Variants in CDH12 observed in about 807,000 individuals in gnomAD.
CDH12 encodes the protein cadherin 12.
CDH12 carries 41 observed loss-of-function variants against 74.1 expected under a neutral mutation model. That is an observed-to-expected ratio of 0.55 (90% CI 0.43 to 0.72). The LOEUF is 0.72. CDH12 is among the 30% of genes least tolerant of loss of function. CDH12 has a pLI of 0.00. For synonymous variants in CDH12, 399 were observed against 355.0 expected (o/e 1.12, Z -1.39); for missense variants, 945 against 977.2 (o/e 0.97, Z 0.44).
intron 3 of CDH12, among the ~76,000 whole-genome samples, chr5:22,399,205 T>TCTAC (rs1382623664): frequency 4.6e-5 from 7 of 151,708 alleles, no homozygotes; most frequent in African/African-American, 1.5e-4. Context: ...TATCTATCTA[T>TCTAC]CTATCTATCT....
At chr5:22,001,883 G>A (rs561700335) in intron 5 of CDH12, among the ~76,000 whole-genome samples, 69 of 151,804 alleles carry the variant, frequency 4.5e-4, no homozygotes, top group African/African-American at 1.6e-3. Flanking sequence ...TGGAGTTGCT[G>A]TATAAGACCC....
chr5:22,814,599 A>C (rs1269572715), intron 1 of CDH12, among the ~76,000 whole-genome samples: 1 of 152,182 alleles, frequency 6.6e-6, no homozygotes, highest in Non-Finnish European at 1.5e-5. Context: ...AGAATAACTT[A>C]GGGTGAATAC....
At chr5:22,764,067 T>TACTC (rs10627366) in intron 1 of CDH12, among the ~76,000 whole-genome samples, 71,882 of 151,152 alleles carry the variant, frequency 0.48, 17,171 homozygotes, top group East Asian at 0.56. Context: ...AGTGTGTAAA[T>TACTC]ACACGTGCTT....
intron 1 of CDH12, among the ~76,000 whole-genome samples, chr5:22,687,313 A>C (rs897329308): frequency 6.6e-6 from 1 of 152,184 alleles, no homozygotes; most frequent in African/African-American, 2.4e-5. Context: ...AAAGAAATAA[A>C]AAAATGAAAA....
At chr5:22,702,128 A>G (rs1012390864) in intron 1 of CDH12, among the ~76,000 whole-genome samples, 5 of 152,174 alleles carry the variant, frequency 3.3e-5, no homozygotes, top group Admixed American at 2.6e-4. Context: ...AACAGTATCT[A>G]TCGTAGGATG....
chr5:22,135,210 A>G (rs1346478778), intron 4 of CDH12, among the ~76,000 whole-genome samples: 797 of 41,386 alleles, frequency 0.019, 9 homozygotes, highest in African/African-American at 0.053. Context: ...ACACATAAGC[A>G]AAAAAAAAAA....
At chr5:22,051,346 T>G (rs572819562) in intron 5 of CDH12, among the ~76,000 whole-genome samples, 1 of 152,304 alleles carries the variant, frequency 6.6e-6, no homozygotes, top group East Asian at 1.9e-4. Flanking sequence ...TTCCAAATAA[T>G]ACTTTCTTTA....
intron 1 of CDH12, among the ~76,000 whole-genome samples, chr5:22,632,296 A>G (rs143771895): frequency 1.2e-3 from 182 of 152,312 alleles, no homozygotes; most frequent in African/African-American, 4.2e-3. Flanking sequence ...TCTTCTTTTT[A>G]TAAGTTACCC....
rs1362374263 is a variant in CDH12 at position 22,191,940 on chromosome 5, TTGTC to T, written c.-187+20554_-187+20557del. On this transcript the variant is annotated intron_variant, in intron 4 of 14. Transcript: ENST00000382254. ...CAAAATTAATACTCATGTTTTTTGT[TTGTC>T]TGTTTGTTTGAGACAGAGGCTTGGT... is the stretch of plus-strand genomic sequence containing the variant. Among the ~76,000 whole-genome samples the T allele has an allele frequency of 2.0e-5, 3 of 152,100 alleles. No homozygotes were observed. The East Asian group carries it at 5.8e-4, about 30-fold the overall frequency.
At chr5:22,786,655 G>A (rs1336824050) in intron 1 of CDH12, among the ~76,000 whole-genome samples, 1 of 152,070 alleles carries the variant, frequency 6.6e-6, no homozygotes, top group Non-Finnish European at 1.5e-5. Flanking sequence ...TGTGTAATGG[G>A]GAAGGGGGTT....
chr5:22,174,505 G>T (rs1393872903), intron 4 of CDH12, among the ~76,000 whole-genome samples: 1 of 151,926 alleles, frequency 6.6e-6, no homozygotes, highest in Non-Finnish European at 1.5e-5. Context: ...TAACTAAACT[G>T]CAAGCCTAGA....
chr5:22,051,682 T>C (rs1740379436), intron 5 of CDH12, among the ~76,000 whole-genome samples: 1 of 152,142 alleles, frequency 6.6e-6, no homozygotes, highest in African/African-American at 2.4e-5. Context: ...CACCAAAAAT[T>C]ATTCTGGCTG....
intron 2 of CDH12, among the ~76,000 whole-genome samples, chr5:22,469,695 T>C (rs935198669): frequency 6.6e-6 from 1 of 152,176 alleles, no homozygotes; most frequent in African/African-American, 2.4e-5. Flanking sequence ...GTGTTATCTA[T>C]ACTGACTTTT....
intron 12 of CDH12, among the ~76,000 whole-genome samples, chr5:21,761,735 GGATA>G (rs1554027353): frequency 7.2e-4 from 85 of 117,576 alleles, no homozygotes; most frequent in Non-Finnish European, 1.3e-3. Flanking sequence ...ATGGATGGAT[GGATA>G]GATATAGATA....
intron 6 of CDH12, among the ~76,000 whole-genome samples, chr5:21,957,304 C>G (rs1477100399): frequency 6.6e-6 from 1 of 152,080 alleles, no homozygotes; most frequent in Non-Finnish European, 1.5e-5. Flanking sequence ...TTTTCTTTAT[C>G]TAAACTCTTA....
At position 22,480,223 on chromosome 5, in the gene CDH12, A is replaced by C. The variant is rs190587097; in HGVS notation, c.-428+25047T>G. On this transcript the variant is annotated intron_variant, in intron 2 of 14. Transcript: ENST00000382254. ...TTAGGACATCATTTTTTTTTCAAAA[A>C]GAGTTTTGGTTTTTGACTTTTTTTT... is the stretch of plus-strand genomic sequence containing the variant. Among the ~76,000 whole-genome samples the C allele has an allele frequency of 2.9e-4, 44 of 152,134 alleles. No individual in the cohort carries two copies. The East Asian group carries it at 3.1e-3, about 11-fold the overall frequency.
chr5:22,407,987 G>A (rs189019659), intron 2 of CDH12, among the ~76,000 whole-genome samples: 30 of 152,058 alleles, frequency 2.0e-4, no homozygotes, highest in East Asian at 7.8e-4. Context: ...GTGAGTTTTG[G>A]GATGGTACAT....
In CDH12 at chr5:22,028,712, A is replaced by G. The variant is rs1231573674; in HGVS notation, c.231+49734T>C. 3.9e-5 allele frequency among the ~76,000 whole-genome samples: 6 copies of G among 152,308 alleles called. No individual in the cohort carries two copies. The East Asian group carries it at 9.6e-4, about 24-fold the overall frequency. On this transcript the variant is annotated intron_variant, in intron 5 of 14. Coordinates refer to ENST00000382254, the MANE Select transcript of CDH12 (RefSeq NM_004061.5). The stretch of plus-strand genomic sequence containing the variant: ...CAAGGTAATTTATAGATTCAATGCC[A>G]TCCCCATCAAGCTACCAATGACTTT...
chr5:22,712,319 G>T (rs1349356199), intron 1 of CDH12, among the ~76,000 whole-genome samples: 1 of 151,762 alleles, frequency 6.6e-6, no homozygotes, highest in Admixed American at 6.6e-5. Context: ...TATATTCATT[G>T]GTACTAATAA....
Sources: gnomAD v4.1 joint callset for allele counts (sites outside exome capture counted in the v4.1 genomes callset) on GRCh38, gnomAD v4.1.1 for gene constraint, MANE v1.5 for transcripts, NCBI Gene and HGNC (gene_info 2026-07-23, HGNC 2026-07-21) for gene names.